C11orf54: variants seen among roughly 807,000 people sequenced by gnomAD.
The protein encoded by C11orf54 is beta-keto L-gulonate decarboxylase.
Under a neutral mutation model 35.5 loss-of-function variants are expected in C11orf54, and 29 were observed. The ratio of observed to expected loss-of-function variants is 0.82; its 90% CI spans 0.61 to 1.11. C11orf54 has a LOEUF of 1.11. C11orf54 is among the 50% of genes most tolerant of loss of function. C11orf54 has a pLI of 0.00. For synonymous variants in C11orf54, 108 were observed against 121.1 expected (o/e 0.89, Z 0.71); for missense variants, 373 against 369.2 (o/e 1.01, Z -0.08).
intron 8 of C11orf54, 86 bp from the exon 9 acceptor site, chr11:93,761,429 A>G (rs1248856102): frequency 1.6e-6 from 2 of 1,258,022 alleles, no homozygotes; most frequent in Admixed American, 2.5e-5. Context: ...AAAAATAAAA[A>G]CTATTGCAAC....
chr11:93,743,327 A>G (rs1328098127), intron 1 of C11orf54, among the ~76,000 whole-genome samples: 1 of 148,956 alleles, frequency 6.7e-6, no homozygotes, highest in Non-Finnish European at 1.5e-5. Context: ...TGTTTGTGTT[A>G]TAGAGACAGG....
At position 93,761,893 on chromosome 11, in the gene C11orf54, G is replaced by A; in HGVS notation, c.*205G>A. 3 of 372,250 alleles carry A rather than the reference G, an allele frequency of 8.1e-6. No homozygotes were observed. Among genetic ancestry groups the A allele is most frequent in the Non-Finnish European group, 9.3e-6 (2 of 214,012 alleles). 23.1% of individuals were successfully genotyped at this position (372,250 alleles called of 1,614,324 possible). ...GAGACCAGCTTGGGCAACATAGCAA[G>A]ACCCTGTCTATTTTTTTAAAAAAGT... On this transcript the variant is annotated 3_prime_UTR_variant, in exon 9 of 9. Transcript: ENST00000354421.
At chr11:93,749,236 T>G (rs1341453937) in intron 2 of C11orf54, among the ~76,000 whole-genome samples, 2 of 151,322 alleles carry the variant, frequency 1.3e-5, no homozygotes. Flanking sequence ...AATTCCAGCA[T>G]TTTGGGAGGC....
At chr11:93,743,389 G>T (rs1451988909) in intron 1 of C11orf54, among the ~76,000 whole-genome samples, 1 of 152,220 alleles carries the variant, frequency 6.6e-6, no homozygotes, top group African/African-American at 2.4e-5. Context: ...ATATTCCTCT[G>T]ACCCCTTCGT....
intron 1 of C11orf54, among the ~76,000 whole-genome samples, chr11:93,743,177 T>C (rs531874543): frequency 7.2e-5 from 11 of 152,072 alleles, no homozygotes; most frequent in African/African-American, 2.7e-4. Flanking sequence ...ATTTTTGTAC[T>C]TTTAGTAGAG....
intron 4 of C11orf54, 58 bp from the exon 5 acceptor site, chr11:93,753,878 G>A: frequency 6.4e-7 from 1 of 1,566,436 alleles, no homozygotes; most frequent in Non-Finnish European, 8.8e-7. Context: ...GTAATAAAAG[G>A]TAAACCAGGG....
chr11:93,761,671 TC>T lies in C11orf54; in HGVS notation c.932del (p.Ser311Ter). 1 of 1,600,820 alleles carries T rather than the reference TC, an allele frequency of 6.2e-7. No homozygotes were observed. Among genetic ancestry groups the T allele is most frequent in the Non-Finnish European group, 8.5e-7 (1 of 1,176,160 alleles). On this transcript the variant is annotated frameshift_variant, in exon 9 of 9. Coordinates refer to ENST00000354421, the MANE Select transcript of C11orf54 (RefSeq NM_001286069.2). LOFTEE classifies it high-confidence loss of function. ...CATTGATCAACCAAAAGAGACGCAT[TC>T]AATTGGGCGAGATTAAATCAGCTGA... ...YRIDQPKETH[S>X]IGRD
intron 2 of C11orf54, 91 bp from the exon 3 acceptor site, chr11:93,750,255 G>A (rs1942743349): frequency 1.2e-6 from 1 of 850,194 alleles, no homozygotes; most frequent in Non-Finnish European, 2.0e-6. Context: ...AGTTGAGATT[G>A]GGAGTGTGTT....
At chr11:93,758,343 C>T (rs1943266183) in intron 7 of C11orf54, among the ~76,000 whole-genome samples, 2 of 152,216 alleles carry the variant, frequency 1.3e-5, no homozygotes, top group African/African-American at 4.8e-5. Flanking sequence ...AGGCGAGAGC[C>T]CCAACTGCCC....
In C11orf54 at chr11:93,764,173, T is replaced by A. The variant is rs1202043124; in HGVS notation, c.*2485T>A. The A allele has an allele frequency of 6.6e-6, 1 of 152,124 alleles. No individual in the cohort carries two copies. Among genetic ancestry groups the A allele is most frequent in the African/African-American group, 2.4e-5 (1 of 41,416 alleles). 9.4% of individuals were successfully genotyped at this position (152,124 alleles called of 1,614,324 possible). On this transcript the variant is annotated 3_prime_UTR_variant, in exon 9 of 9. Transcript: ENST00000354421. ...GGGCATAAGGGGACGAGGGGTGGGA[T>A]AAGGCTTAAAAGCCACCAGCAGTCA... is the stretch of plus-strand genomic sequence containing the variant.
At position 93,764,357 on chromosome 11, in the gene C11orf54, C is replaced by T. The variant is rs1194702587; in HGVS notation, c.*2669C>T. ...CTGCCTTTACTCTTCCATTAGTGTC[C>T]TCCAAAATGGGGTGCATGGACAGCA... On this transcript the variant is annotated 3_prime_UTR_variant, in exon 9 of 9. Transcript: ENST00000354421. 1.3e-5 allele frequency: 2 copies of T among 152,214 alleles called. No homozygotes were observed. Among genetic ancestry groups the T allele is most frequent in the African/African-American group, 4.8e-5 (2 of 41,430 alleles). The allele number at this position is 152,214 out of a possible 1,614,324, so 9.4% of individuals were successfully genotyped here.
rs1942675005 is a variant in C11orf54, at chr11:93,749,283, A to G, written c.56-1063A>G. 1.3e-5 allele frequency among the ~76,000 whole-genome samples: 2 copies of G among 151,968 alleles called. 1 individual carries two copies. Among genetic ancestry groups the G allele is most frequent in the South Asian group, 4.2e-4 (2 of 4,816 alleles). Reference sequence around the variant, plus strand: ...GATCTCTTAAGCCCAGGAGTTTGAGAGCCACCTGGGCAACAAGCCAAAACC... The same window carrying G: ...GATCTCTTAAGCCCAGGAGTTTGAGGGCCACCTGGGCAACAAGCCAAAACC... On this transcript the variant is annotated intron_variant, in intron 2 of 8. Coordinates refer to ENST00000354421, the MANE Select transcript of C11orf54 (RefSeq NM_001286069.2).
At chr11:93,753,495 G>A (rs1156301644) in intron 3 of C11orf54, among the ~76,000 whole-genome samples, 187 bp from the exon 4 acceptor site, 1 of 152,146 alleles carries the variant, frequency 6.6e-6, no homozygotes, top group Non-Finnish European at 1.5e-5. Flanking sequence ...GCTTGGTTAT[G>A]ATGATTATTA....
At chr11:93,755,089 T>C in intron 5 of C11orf54, 121 bp from the exon 6 acceptor site, 2 of 999,680 alleles carry the variant, frequency 2.0e-6, no homozygotes, top group East Asian at 2.7e-5. Flanking sequence ...ATGTATTTTA[T>C]GTTCTCTTAT....
In C11orf54 at chr11:93,755,146, A is replaced by G. The variant is rs563021128; in HGVS notation, c.331-64A>G. The G allele has an allele frequency of 1.7e-5, 26 of 1,489,338 alleles. No homozygotes were observed. In the African/African-American group the frequency reaches 2.5e-4, roughly 14 times the overall value. The allele number at this position is 1,489,338 out of a possible 1,614,324, so 92.3% of individuals were successfully genotyped here. On this transcript the variant is annotated intron_variant, in intron 5 of 8. Coordinates refer to ENST00000354421, the MANE Select transcript of C11orf54 (RefSeq NM_001286069.2). The stretch of plus-strand genomic sequence containing the variant: ...TTAAAAGGATTAAATGTTTTGTAAC[A>G]TTATTCAAGATATTCTCTTTGCAGA...
At chr11:93,743,214 A>G (rs1942235729) in intron 1 of C11orf54, among the ~76,000 whole-genome samples, 1 of 152,026 alleles carries the variant, frequency 6.6e-6, no homozygotes, top group South Asian at 2.1e-4. Context: ...TTGGCCAGGC[A>G]GGTCTCGAAC....
intron 2 of C11orf54, 101 bp downstream of exon 2, chr11:93,747,549 C>CT: frequency 1.8e-6 from 1 of 551,968 alleles, no homozygotes; most frequent in Non-Finnish European, 2.8e-6. Context: ...TTATGTATAT[C>CT]TATATCTTAC....
intron 1 of C11orf54, among the ~76,000 whole-genome samples, chr11:93,743,215 G>C (rs1019939334): frequency 2.0e-5 from 3 of 152,068 alleles, no homozygotes; most frequent in Non-Finnish European, 4.4e-5. Flanking sequence ...TGGCCAGGCA[G>C]GTCTCGAACT....
chr11:93,748,226 A>G (rs1366020517), intron 2 of C11orf54, among the ~76,000 whole-genome samples: 1 of 151,916 alleles, frequency 6.6e-6, no homozygotes, highest in Admixed American at 6.6e-5. Context: ...AATGGTAGCT[A>G]ATAAACAATC....
Sources: gnomAD v4.1 joint callset for allele counts (sites outside exome capture counted in the v4.1 genomes callset) on GRCh38, gnomAD v4.1.1 for gene constraint, MANE v1.5 for transcripts, NCBI Gene and HGNC (gene_info 2026-07-23, HGNC 2026-07-21) for gene names.